Variants in PPCS observed in about 807,000 individuals in gnomAD.
PPCS encodes phosphopantothenoylcysteine synthetase, also known as phosphopantothenate--cysteine ligase.
A neutral mutation model predicts 24.6 loss-of-function variants in PPCS; 17 were observed. The ratio of observed to expected loss-of-function variants is 0.69; its 90% CI spans 0.47 to 1.04. The LOEUF (loss-of-function observed/expected upper bound fraction) is 1.04, where lower values mean the gene tolerates loss of function less well. Among genes scored for constraint, PPCS ranks in the 50% least tolerant of loss-of-function variants. The pLI is 0.00. For synonymous variants in PPCS, 190 were observed against 168.3 expected, an observed-to-expected ratio of 1.13 and a Z score of -1.00; for missense variants, 360 against 402.8, an observed-to-expected ratio of 0.89 and a Z score of 0.91.
At chr1:42,459,487 G>A in intron 2 of PPCS, 116 bp from the exon 3 acceptor site, 2 of 918,064 alleles carry the variant, frequency 2.2e-6, no homozygotes, top group Non-Finnish European at 3.3e-6. Flanking sequence ...ACATTTAACT[G>A]AAAAGTTTGA....
At chr1:42,457,172 G>A (rs1557776177) in intron 1 of PPCS, 75 bp from the exon 2 acceptor site, 1 of 1,603,462 alleles carries the variant, frequency 6.2e-7, no homozygotes, top group Non-Finnish European at 8.5e-7. Context: ...CTCAGCTGGG[G>A]AACCCGAGTT....
chr1:42,470,073 G>T (rs1195433308), intron 2 of PPCS, among the ~76,000 whole-genome samples: 1 of 152,166 alleles, frequency 6.6e-6, no homozygotes. Context: ...GCTGAGATTT[G>T]CAAGGAAGGT....
Position 42,461,152 on chromosome 1 carries a change from T to A in PPCS, c.*1226T>A, listed in dbSNP as rs1643400406. 6.6e-6 allele frequency among the ~76,000 whole-genome samples: 1 copy of A among 152,202 alleles called. No homozygotes were observed. The highest frequency in any genetic ancestry group is 1.5e-5 in the Non-Finnish European group (1 of 68,030). On this transcript the variant is annotated 3_prime_UTR_variant, in exon 3 of 3. Coordinates refer to ENST00000372561, the MANE Select transcript of PPCS (RefSeq NM_024664.4). ...ATTTGACTTAAAATACAATTCATGG[T>A]GTTTCATGGAGTAGGGAAGGGTAGC...
intron 2 of PPCS, 141 bp from the exon 3 acceptor site, chr1:42,459,462 G>T: frequency 1.3e-6 from 1 of 773,572 alleles, no homozygotes. Context: ...GTTCCCCTAA[G>T]ACTTTTTAAA....
At chr1:42,457,498 C>T in intron 2 of PPCS, 148 bp downstream of exon 2, 1 of 673,384 alleles carries the variant, frequency 1.5e-6, no homozygotes, top group South Asian at 1.7e-5. Context: ...CCCTCATGGA[C>T]CTCACAATCT....
At chr1:42,472,290 A>G (rs890918547) in intron 2 of PPCS, among the ~76,000 whole-genome samples, 2 of 152,156 alleles carry the variant, frequency 1.3e-5, no homozygotes, top group African/African-American at 4.8e-5. Flanking sequence ...AGTAACACAG[A>G]TATCACTTCA....
chr1:42,471,062 G>T (rs527341285), intron 2 of PPCS, among the ~76,000 whole-genome samples: 73 of 152,320 alleles, frequency 4.8e-4, no homozygotes, highest in Middle Eastern at 6.8e-3. Flanking sequence ...ATTAGCTCAG[G>T]CTGTTGATAA....
chr1:42,470,007 G>A (rs1643715789), intron 2 of PPCS, among the ~76,000 whole-genome samples: 1 of 152,050 alleles, frequency 6.6e-6, no homozygotes, highest in Non-Finnish European at 1.5e-5. Flanking sequence ...GTTCTCTATC[G>A]GCACTCAGCA....
chr1:42,471,581 G>C (rs532187233), intron 2 of PPCS, among the ~76,000 whole-genome samples: 20 of 152,132 alleles, frequency 1.3e-4, no homozygotes, highest in African/African-American at 4.8e-4. Flanking sequence ...TTAGTATCTT[G>C]GGCTCTCTGC....
At chr1:42,472,679 A>G (rs550263291) in intron 2 of PPCS, among the ~76,000 whole-genome samples, 34 of 152,222 alleles carry the variant, frequency 2.2e-4, no homozygotes, top group African/African-American at 7.9e-4. Flanking sequence ...AATTTTCATT[A>G]AGTATATCAT....
chr1:42,462,308 G>A (rs536194738), downstream of PPCS, among the ~76,000 whole-genome samples: 2 of 152,252 alleles, frequency 1.3e-5, no homozygotes, highest in African/African-American at 4.8e-5. Flanking sequence ...CTAAGAACCT[G>A]ATCTTGGATG....
At chr1:42,457,202 A>G (rs1643237953) in intron 1 of PPCS, 45 bp from the exon 2 acceptor site, 1 of 1,612,224 alleles carries the variant, frequency 6.2e-7, no homozygotes, top group African/African-American at 1.3e-5. Context: ...CTGATCCTAT[A>G]TCGTACCTCG....
downstream of PPCS, chr1:42,463,752 CG>C (rs1421065887): frequency 6.6e-6 from 1 of 152,272 alleles, no homozygotes; most frequent in African/African-American, 2.4e-5. Context: ...ACGAAGTCCA[CG>C]GAGGGGCAGC....
Position 42,457,088 on chromosome 1 carries a change from A to G in PPCS, c.508+15A>G. On this transcript the variant is annotated intron_variant, in intron 1 of 2. Coordinates refer to ENST00000372561, the MANE Select transcript of PPCS (RefSeq NM_024664.4). ...CAATCCGCTAGGTGCGTGCCCTAGG[A>G]GTACCCCTTTTGCCTGGAAGCACAG... is the stretch of plus-strand genomic sequence containing the variant. 6.3e-7 allele frequency: 1 copy of G among 1,583,252 alleles called. No individual in the cohort carries two copies. Among genetic ancestry groups the G allele is most frequent in the Non-Finnish European group, 8.6e-7 (1 of 1,167,938 alleles).
At chr1:42,459,455 C>T (rs1643343148) in intron 2 of PPCS, 148 bp from the exon 3 acceptor site, 4 of 729,864 alleles carry the variant, frequency 5.5e-6, no homozygotes, top group African/African-American at 5.3e-5. Flanking sequence ...CCACTGTGTT[C>T]CCCTAAGACT....
In PPCS at chr1:42,460,335, CAT is replaced by C. The variant is rs1188434234; in HGVS notation, c.*412_*413del. The C allele has an allele frequency of 4.1e-6, 4 of 986,936 alleles. No individual in the cohort carries two copies. The highest frequency in any genetic ancestry group is 1.1e-4 in the East Asian group (1 of 8,890). 61.1% of individuals were successfully genotyped at this position (986,936 alleles called of 1,614,324 possible). On this transcript the variant is annotated 3_prime_UTR_variant, in exon 3 of 3. Transcript: ENST00000372561. ...CATGAGGATTAAAAAGATGAATAAA[CAT>C]ATCTTGTTTAGGAAATGGATGTATA...
Position 42,460,868 on chromosome 1 carries a change from A to G in PPCS, c.*942A>G, listed in dbSNP as rs951456044. Among the ~76,000 whole-genome samples the G allele has an allele frequency of 3.3e-5, 5 of 152,240 alleles. No homozygotes were observed. The highest frequency in any genetic ancestry group is 1.2e-4 in the African/African-American group (5 of 41,456). On this transcript the variant is annotated 3_prime_UTR_variant, in exon 3 of 3. Transcript: ENST00000372561. ...GTCTGGTGCCTAGCATTTGATTCACACTCACTAAATGGTTGCAATTATTGT... is the reference window on the plus strand; with the variant it reads ...GTCTGGTGCCTAGCATTTGATTCACGCTCACTAAATGGTTGCAATTATTGT...
downstream of PPCS, chr1:42,463,443 C>T (rs1034348885): frequency 1.3e-5 from 2 of 152,254 alleles, no homozygotes; most frequent in African/African-American, 2.4e-5. Context: ...ACCCATTCTC[C>T]CCTCTTTTCC....
In PPCS at chr1:42,456,899, C is replaced by T; in HGVS notation, c.334C>T (p.Leu112Phe). 3 of 1,612,236 alleles carry T rather than the reference C, an allele frequency of 1.9e-6. No homozygotes were observed. Among genetic ancestry groups the T allele is most frequent in the Non-Finnish European group, 2.5e-6 (3 of 1,180,032 alleles). Residue 112 changes from leucine (L) to phenylalanine (F), a missense_variant, in exon 1 of 3, where the codon CTT becomes TTT. By Grantham distance (22) the Leu-to-Phe change is conservative. This residue lies in a region of PPCS where 244 missense variants were observed against 234.7 expected (regional missense o/e 1.04). Transcript: ENST00000372561. ...CGCTCTGCGGCCTTCGGGCCCAGCCCTTTCGGGCTTGCTGAGCCTGGAGGC... is the reference window on the plus strand; with the variant it reads ...CGCTCTGCGGCCTTCGGGCCCAGCCTTTTCGGGCTTGCTGAGCCTGGAGGC... ...LSALRPSGPA[L>F]SGLLSLEAEE...
Sources: allele counts gnomAD v4.1 joint callset (sites outside exome capture counted in the v4.1 genomes callset), GRCh38; gene constraint gnomAD v4.1.1; regional missense constraint gnomAD v4.1.1; transcripts MANE v1.5; gene names NCBI Gene and HGNC (gene_info 2026-07-23, HGNC 2026-07-21).